STRA6: variants seen among roughly 807,000 people sequenced by gnomAD.
The protein encoded by STRA6 is signaling receptor and transporter of retinol STRA6.
A neutral mutation model predicts 83.6 loss-of-function variants in STRA6; 48 were observed. That is an observed-to-expected ratio of 0.57 (90% CI 0.46 to 0.73). The LOEUF (loss-of-function observed/expected upper bound fraction) is 0.73, where lower values mean the gene tolerates loss of function less well. Ranked by LOEUF, STRA6 falls within the 30% of genes least tolerant of loss-of-function variation. The pLI is 0.00. For missense variants in STRA6, 760 were observed against 838.8 expected (o/e 0.91, Z 1.16); for synonymous variants, 353 against 362.3 (o/e 0.97, Z 0.29).
upstream of STRA6, among the ~76,000 whole-genome samples, chr15:74,210,436 A>G (rs945544226): frequency 6.6e-6 from 1 of 152,230 alleles, no homozygotes; most frequent in Non-Finnish European, 1.5e-5. Context: ...GTTGCTGAAC[A>G]ATACATAAAT....
At chr15:74,207,738 C>A (rs1190831249), upstream of STRA6, 2 of 1,535,734 alleles carry the variant, frequency 1.3e-6, no homozygotes, top group Admixed American at 2.0e-5. Flanking sequence ...AATAAGCAGC[C>A]GAGAGAGTCA....
At chr15:74,189,337 G>C in intron 11 of STRA6, 60 bp from the exon 12 acceptor site, 1 of 1,548,040 alleles carries the variant, frequency 6.5e-7, no homozygotes, top group Non-Finnish European at 8.7e-7. Flanking sequence ...GCTAACAGGG[G>C]AGACGCTGGG....
rs2073371459 is a variant in STRA6 at position 74,188,517 on chromosome 15, G to A, written c.1090+598C>T. Among the ~76,000 whole-genome samples the A allele has an allele frequency of 6.6e-6, 1 of 152,214 alleles. No individual in the cohort carries two copies. Among genetic ancestry groups the A allele is most frequent in the Non-Finnish European group, 1.5e-5 (1 of 68,044 alleles). On this transcript the variant is annotated intron_variant, in intron 12 of 18. Coordinates refer to ENST00000395105, the MANE Select transcript of STRA6 (RefSeq NM_022369.4). This position sits in a 1 kb window ranked among gnomAD's most constrained non-coding sequence, Gnocchi z 4.5. ...GCAAATCCTTCCCCATGTGTCAAGT[G>A]GGGACACTTCTCAGTCCCCTCCACA... is the stretch of plus-strand genomic sequence containing the variant.
At chr15:74,192,215 G>A (rs1226050549) in intron 8 of STRA6, among the ~76,000 whole-genome samples, 4 of 152,186 alleles carry the variant, frequency 2.6e-5, no homozygotes, top group Non-Finnish European at 1.5e-5. Flanking sequence ...AGGAAAGGCT[G>A]GCAATGGAGA....
intron 9 of STRA6, 41 bp downstream of exon 9, chr15:74,191,383 C>G (rs748496220): frequency 5.6e-6 from 9 of 1,609,364 alleles, no homozygotes; most frequent in East Asian, 2.2e-5. Flanking sequence ...TGCTAACCAG[C>G]CCAATCCATT....
upstream of STRA6, among the ~76,000 whole-genome samples, chr15:74,204,505 G>A (rs1304124584): frequency 6.6e-6 from 1 of 152,244 alleles, no homozygotes; most frequent in Non-Finnish European, 1.5e-5. Context: ...GTCTCAGACT[G>A]TTACCTTAGG....
At chr15:74,192,002 G>A (rs1333628155) in intron 8 of STRA6, 3 of 180,628 alleles carry the variant, frequency 1.7e-5, no homozygotes, top group African/African-American at 7.1e-5. Flanking sequence ...TAAGCTGCCT[G>A]TGAAGTAGCA....
Position 74,179,976 on chromosome 15 carries a change from T to G in STRA6, c.*104A>C. The G allele has an allele frequency of 6.7e-7, 1 of 1,481,838 alleles. No homozygotes were observed. The highest frequency in any genetic ancestry group is 9.3e-7 in the Non-Finnish European group (1 of 1,080,648). The allele number at this position is 1,481,838 out of a possible 1,614,324, so 91.8% of individuals were successfully genotyped here. ...ACAGTGATCCGGAGGACCTGCTGGC[T>G]GCATGGCTGGTGTGATGCTGGGAGG... On this transcript the variant is annotated 3_prime_UTR_variant, in exon 19 of 19. Coordinates refer to ENST00000395105, the MANE Select transcript of STRA6 (RefSeq NM_022369.4).
chr15:74,193,574 A>G (rs2073654196), intron 8 of STRA6, among the ~76,000 whole-genome samples: 1 of 152,156 alleles, frequency 6.6e-6, no homozygotes, highest in Non-Finnish European at 1.5e-5. Flanking sequence ...AGTCCCTACT[A>G]TTCACACAGC....
At chr15:74,190,817 G>A in intron 11 of STRA6, 23 bp downstream of exon 11, 2 of 1,614,012 alleles carry the variant, frequency 1.2e-6, no homozygotes, top group Non-Finnish European at 1.7e-6. Context: ...GAGGCAGATG[G>A]CAGTACAGGG....
At chr15:74,182,524 T>A (rs951018912) in intron 14 of STRA6, 64 bp from the exon 15 acceptor site, 3 of 1,393,234 alleles carry the variant, frequency 2.2e-6, no homozygotes, top group Non-Finnish European at 3.0e-6. Context: ...CCATCCCCGC[T>A]GCCCCCAGAA....
intron 3 of STRA6, 73 bp downstream of exon 3, chr15:74,197,679 A>G (rs778268443): frequency 2.5e-6 from 4 of 1,572,278 alleles, no homozygotes; most frequent in South Asian, 1.1e-5. Flanking sequence ...CACCAGCCCC[A>G]GTGGGGAACA....
upstream of STRA6, among the ~76,000 whole-genome samples, chr15:74,204,064 C>T (rs1379705867): frequency 3.3e-5 from 5 of 152,220 alleles, no homozygotes; most frequent in African/African-American, 1.2e-4. Flanking sequence ...AGTTCCTCCC[C>T]CTTCTTCCCA....
upstream of STRA6, among the ~76,000 whole-genome samples, chr15:74,211,007 G>C (rs555732039): frequency 1.3e-5 from 2 of 152,254 alleles, no homozygotes; most frequent in South Asian, 4.2e-4. Context: ...CAGATTATAA[G>C]GCTGAAGGAG....
In STRA6 at chr15:74,182,329, C is replaced by T. The variant is rs762609807; in HGVS notation, c.1418+14G>A. On this transcript the variant is annotated intron_variant, in intron 15 of 18. Coordinates refer to ENST00000395105, the MANE Select transcript of STRA6 (RefSeq NM_022369.4). Reference sequence around the variant, plus strand: ...TAAGGAGTCCCTGAGCCCTCCATGTCTTGTTTCACTCACCACGAGGACTCC... The same window carrying T: ...TAAGGAGTCCCTGAGCCCTCCATGTTTTGTTTCACTCACCACGAGGACTCC... 1.2e-6 allele frequency: 2 copies of T among 1,614,012 alleles called. No homozygotes were observed. Among genetic ancestry groups the T allele is most frequent in the South Asian group, 2.2e-5 (2 of 91,064 alleles).
At chr15:74,181,545 T>A (rs965095410) in intron 16 of STRA6, 87 bp from the exon 17 acceptor site, 1 of 1,537,710 alleles carries the variant, frequency 6.5e-7, no homozygotes, top group African/African-American at 1.4e-5. Context: ...CCAGAACTGC[T>A]GTGTATTTAC....
intron 2 of STRA6, among the ~76,000 whole-genome samples, chr15:74,201,664 T>A (rs2074072257): frequency 6.6e-6 from 1 of 152,134 alleles, no homozygotes; most frequent in Admixed American, 6.5e-5. Context: ...GTTTCCTCAG[T>A]GACTTCTCAC....
At chr15:74,183,623 T>C (rs1242478664) in intron 14 of STRA6, 27 of 1,394,322 alleles carry the variant, frequency 1.9e-5, no homozygotes, top group Non-Finnish European at 2.5e-5. Context: ...CCAGGGTTCA[T>C]CTCCATGTGG....
At chr15:74,193,274 C>T (rs1293802621) in intron 8 of STRA6, among the ~76,000 whole-genome samples, 1 of 152,190 alleles carries the variant, frequency 6.6e-6, no homozygotes, top group African/African-American at 2.4e-5. Context: ...CCTACAATGC[C>T]TGCTCCTTAT....
Sources: gnomAD v4.1 joint callset for allele counts (sites outside exome capture counted in the v4.1 genomes callset) on GRCh38, gnomAD v4.1.1 for gene constraint, Gnocchi (gnomAD v3.1) non-coding constraint, MANE v1.5 for transcripts, NCBI Gene and HGNC (gene_info 2026-07-23, HGNC 2026-07-21) for gene names.